Variants in ZNF808 observed in about 807,000 individuals in gnomAD.
ZNF808 encodes the protein zinc finger protein 808.
Under a neutral mutation model 8.7 loss-of-function variants are expected in ZNF808, and 5 were observed. The ratio of observed to expected loss-of-function variants is 0.58; its 90% CI spans 0.30 to 1.21. The LOEUF is 1.21. Among genes scored for constraint, ZNF808 ranks in the 50% most tolerant of loss-of-function variants. The probability of loss-of-function intolerance (pLI) is 0.07; values close to 1 mark genes in which losing one functional copy is unlikely to be tolerated. For synonymous variants in ZNF808, 380 were observed against 366.0 expected, an observed-to-expected ratio of 1.04 and a Z score of -0.44; for missense variants, 1,103 against 1,098.4, an observed-to-expected ratio of 1.00 and a Z score of -0.06.
At chr19:52,547,376 C>A (rs2059732209) in intron 3 of ZNF808, 136 bp from the exon 4 acceptor site, 3 of 1,517,920 alleles carry the variant, frequency 2.0e-6, no homozygotes, top group Non-Finnish European at 2.6e-6. Flanking sequence ...AAAAAATAGT[C>A]AAAAATACCT....
At chr19:52,532,451 A>C (rs396663) in intron 1 of ZNF808, among the ~76,000 whole-genome samples, 51,163 of 151,948 alleles carry the variant, frequency 0.34, 9,710 homozygotes, top group East Asian at 0.5. Flanking sequence ...ACAGAATTTC[A>C]ATTGATTTTG....
intron 4 of ZNF808, among the ~76,000 whole-genome samples, chr19:52,552,828 T>A (rs1388276034): frequency 6.6e-6 from 1 of 152,076 alleles, no homozygotes; most frequent in Admixed American, 6.6e-5. Context: ...CACTTCAAGG[T>A]CACAGTGGAA....
intron 4 of ZNF808, among the ~76,000 whole-genome samples, chr19:52,552,567 C>T (rs2059787886): frequency 6.6e-6 from 1 of 151,968 alleles, no homozygotes; most frequent in Non-Finnish European, 1.5e-5. Flanking sequence ...CACGGACCAT[C>T]ACACCTGGCT....
At chr19:52,556,899 C>A (rs2126502), downstream of ZNF808, 1 of 152,174 alleles carries the variant, frequency 6.6e-6, no homozygotes, top group Admixed American at 6.5e-5. Flanking sequence ...CTGGACCATT[C>A]TGGAAAAATG....
At chr19:52,531,400 G>T (rs2059560742) in intron 1 of ZNF808, among the ~76,000 whole-genome samples, 1 of 152,012 alleles carries the variant, frequency 6.6e-6, no homozygotes, top group Non-Finnish European at 1.5e-5. Flanking sequence ...GCTTGAACCT[G>T]GGAGGCAAAG....
At chr19:52,548,097 C>T (rs1229346852) in intron 4 of ZNF808, among the ~76,000 whole-genome samples, 1 of 152,126 alleles carries the variant, frequency 6.6e-6, no homozygotes, top group East Asian at 1.9e-4. Context: ...TGACAACGTT[C>T]ATCCCATAAA....
downstream of ZNF808, among the ~76,000 whole-genome samples, chr19:52,561,204 CTCTCTCTCTA>C (rs1213722297): frequency 0.019 from 737 of 38,866 alleles, 2 homozygotes; most frequent in East Asian, 0.039. Flanking sequence ...CTCTCTCTCT[CTCTCTCTCTA>C]TATATATATA....
At chr19:52,542,459 C>T (rs575011592) in intron 2 of ZNF808, among the ~76,000 whole-genome samples, 13 of 69,676 alleles carry the variant, frequency 1.9e-4, no homozygotes, top group African/African-American at 1.0e-3. Context: ...CTCTTCCCCT[C>T]AGCTGCAAGT....
chr19:52,558,044 TGAGGG>T (rs2059844234), downstream of ZNF808, among the ~76,000 whole-genome samples: 2 of 138,592 alleles, frequency 1.4e-5, no homozygotes, highest in African/African-American at 2.8e-5. Flanking sequence ...TTTTTTTTTT[TGAGGG>T]TAGGAGTGCC....
intron 4 of ZNF808, among the ~76,000 whole-genome samples, chr19:52,548,776 C>T (rs1237196507): frequency 3.9e-5 from 6 of 152,096 alleles, no homozygotes; most frequent in Admixed American, 1.3e-4. Context: ...GTGTATACCA[C>T]ATTTTCCTCA....
At chr19:52,531,954 T>C (rs1416167744) in intron 1 of ZNF808, among the ~76,000 whole-genome samples, 2 of 152,236 alleles carry the variant, frequency 1.3e-5, no homozygotes, top group Admixed American at 6.5e-5. Context: ...TTCAGTCTTA[T>C]AGTGTGTGCT....
At chr19:52,541,230 G>T (rs2059667037) in intron 2 of ZNF808, among the ~76,000 whole-genome samples, 1 of 148,210 alleles carries the variant, frequency 6.7e-6, no homozygotes, top group African/African-American at 2.5e-5. Flanking sequence ...GATTACAGAT[G>T]TGATCCACCC....
chr19:52,538,637 C>CAAA (rs68018028), intron 2 of ZNF808, among the ~76,000 whole-genome samples: 2 of 128,358 alleles, frequency 1.6e-5, no homozygotes, highest in African/African-American at 3.0e-5. Context: ...TCAAAAAAAC[C>CAAA]AAAAAAGAAT....
In ZNF808 at chr19:52,533,837, C is replaced by T. The variant is rs555508177; in HGVS notation, c.-20+828C>T. Among the ~76,000 whole-genome samples, 15 of 94,880 alleles carry T rather than the reference C, an allele frequency of 1.6e-4. No individual in the cohort carries two copies. In the East Asian group the frequency reaches 4.6e-3, roughly 29 times the overall value. 62.2% of individuals were successfully genotyped at this position (94,880 alleles called of 152,430 possible). The stretch of plus-strand genomic sequence containing the variant: ...TAGCCTGGGTGACAAAGTGAGACTC[C>T]GTCTCCAAAAAAAAAAAAAAAAAAA... On this transcript the variant is annotated intron_variant, in intron 2 of 4. Coordinates refer to ENST00000359798, the MANE Select transcript of ZNF808 (RefSeq NM_001039886.4).
At chr19:52,544,520 G>A (rs892507600) in intron 3 of ZNF808, among the ~76,000 whole-genome samples, 3 of 151,964 alleles carry the variant, frequency 2.0e-5, no homozygotes, top group South Asian at 2.1e-4. Context: ...TAGTTGAGAC[G>A]GGGTTTCATC....
intron 3 of ZNF808, among the ~76,000 whole-genome samples, chr19:52,562,831 T>C (rs1278705696): frequency 6.6e-6 from 1 of 152,074 alleles, no homozygotes; most frequent in Non-Finnish European, 1.5e-5. Flanking sequence ...TGGAGTGCAA[T>C]GGCATGATCT....
downstream of ZNF808, among the ~76,000 whole-genome samples, chr19:52,567,771 G>A (rs148789077): frequency 2.9e-3 from 440 of 151,948 alleles, 2 homozygotes; most frequent in African/African-American, 9.3e-3. Context: ...GCCATCCGCC[G>A]TCCTCAGCCT....
chr19:52,551,823 T>G (rs907160724), intron 4 of ZNF808, among the ~76,000 whole-genome samples: 13 of 151,740 alleles, frequency 8.6e-5, no homozygotes, highest in African/African-American at 3.1e-4. Flanking sequence ...GCCAACATGG[T>G]GAAACCACAT....
downstream of ZNF808, among the ~76,000 whole-genome samples, chr19:52,567,611 A>G (rs144383432): frequency 3.8e-3 from 570 of 150,366 alleles, 3 homozygotes; most frequent in African/African-American, 0.013. Context: ...CACAGCTTCC[A>G]TTTTCTGGGC....
Sources: allele counts gnomAD v4.1 joint callset (sites outside exome capture counted in the v4.1 genomes callset), GRCh38; gene constraint gnomAD v4.1.1; transcripts MANE v1.5; gene names NCBI Gene and HGNC (gene_info 2026-07-23, HGNC 2026-07-21).